The following KARS1 variants were observed in gnomAD, a reference collection of about 807,000 sequenced individuals.
KARS1 encodes the protein lysine--tRNA ligase.
In KARS1, 50 loss-of-function variants were observed where a neutral mutation model predicts 63.9. The ratio of observed to expected loss-of-function variants is 0.78; its 90% CI spans 0.62 to 0.99. The LOEUF (loss-of-function observed/expected upper bound fraction) is 0.99, where lower values mean the gene tolerates loss of function less well. Among genes scored for constraint, KARS1 ranks in the 50% least tolerant of loss-of-function variants. The pLI is 0.00. For missense variants in KARS1, 816 were observed against 754.5 expected (o/e 1.08, Z -0.95); for synonymous variants, 320 against 264.6 (o/e 1.21, Z -2.03).
rs769484182 is a variant in KARS1, at chr16:75,631,236, C to G, written c.1270G>C (p.Asp424His). 16 of 1,613,926 alleles carry G rather than the reference C, an allele frequency of 9.9e-6. No individual in the cohort carries two copies. The Admixed American group carries it at 2.3e-4, about 24-fold the overall frequency. ...FETEETRKIL[D>H]DICVAKAVEC... ...ACAGCTTTTGCCACACAGATATCAT[C>G]AAGAATTTTGCGAGTTTCTGGGACA... is the stretch of plus-strand genomic sequence containing the variant. The change falls in exon 10 of 14, where the codon GAT becomes CAT. Residue 424 changes from aspartate to histidine, a missense_variant. Physicochemically the swap from Asp to His is moderately conservative, Grantham distance 81 (BLOSUM62 -1). Transcript: ENST00000302445.
intron 1 of KARS1, among the ~76,000 whole-genome samples, chr16:75,645,760 T>C (rs1041243643): frequency 1.3e-5 from 2 of 150,800 alleles, no homozygotes; most frequent in African/African-American, 2.5e-5. Context: ...AGCACCAGAA[T>C]TGCTTGAACC....
chr16:75,631,811 G>T lies in KARS1; in HGVS notation c.960C>A (p.Arg320=), dbSNP rs766993376. The T allele has an allele frequency of 6.2e-7, 1 of 1,614,132 alleles. No homozygotes were observed. The highest frequency in any genetic ancestry group is 1.1e-5 in the South Asian group (1 of 91,082). Residue 320 remains arginine (R), a synonymous_variant, in exon 8 of 14, where the codon CGC becomes CGA. Transcript: ENST00000302445. ...AATCAATCCCCTCATTCCGGAACTG[G>T]CGTCCAATTTCATAAACCCGGTCGA... is the stretch of plus-strand genomic sequence containing the variant. ...GGIDRVYEIG[R]QFRNEGIDLT...
At chr16:75,635,414 C>CA in intron 6 of KARS1, 1 of 394,876 alleles carries the variant, frequency 2.5e-6, no homozygotes. Context: ...CTTAATGCTA[C>CA]AAAAAAGCAA....
At chr16:75,637,078 G>A (rs1309173158) in intron 3 of KARS1, among the ~76,000 whole-genome samples, 1 of 151,940 alleles carries the variant, frequency 6.6e-6, no homozygotes, top group Non-Finnish European at 1.5e-5. Flanking sequence ...TCAGGATCTA[G>A]CTTTCAAGAT....
intron 3 of KARS1, among the ~76,000 whole-genome samples, chr16:75,637,687 G>C (rs940908309): frequency 1.3e-4 from 19 of 151,564 alleles, no homozygotes; most frequent in African/African-American, 3.9e-4. Flanking sequence ...GCTGAGGCAG[G>C]AGAATCGCTT....
At chr16:75,640,497 A>T (rs2082212440) in intron 2 of KARS1, 148 bp from the exon 3 acceptor site, 1 of 745,792 alleles carries the variant, frequency 1.3e-6, no homozygotes, top group Non-Finnish European at 2.3e-6. Flanking sequence ...AGGATTGAAT[A>T]TGGAGTGAGA....
In KARS1 at chr16:75,630,502, C is replaced by T. The variant is rs776302260; in HGVS notation, c.1345G>A (p.Gly449Arg). 2.5e-6 allele frequency: 4 copies of T among 1,605,880 alleles called. No homozygotes were observed. The highest frequency in any genetic ancestry group is 2.6e-6 in the Non-Finnish European group (3 of 1,172,994). The change falls in exon 11 of 14, where the codon GGG (glycine) becomes AGG (arginine). Residue 449 changes from glycine to arginine, a missense_variant. By Grantham distance (125) the Gly-to-Arg change is moderately radical (BLOSUM62 -2). Coordinates refer to ENST00000302445, the MANE Select transcript of KARS1 (RefSeq NM_005548.3). ...TTARLLDKLVGEFLEVTCINP... is the reference protein window; with the variant it reads ...TTARLLDKLVREFLEVTCINP... ...ATGCAAGTCACTTCCAGGAACTCCCCAACAAGCTTAATGAGAAAGCAAAGC... is the reference window on the plus strand; with the variant it reads ...ATGCAAGTCACTTCCAGGAACTCCCTAACAAGCTTAATGAGAAAGCAAAGC...
intron 1 of KARS1, 118 bp from the exon 2 acceptor site, chr16:75,641,841 A>G: frequency 1.0e-6 from 1 of 990,210 alleles, no homozygotes; most frequent in Non-Finnish European, 1.6e-6. Flanking sequence ...GCTCAGTTCT[A>G]TACCCCTCAA....
At chr16:75,641,894 C>T (rs1223015909) in intron 1 of KARS1, among the ~76,000 whole-genome samples, 171 bp from the exon 2 acceptor site, 1 of 152,060 alleles carries the variant, frequency 6.6e-6, no homozygotes, top group Non-Finnish European at 1.5e-5. Flanking sequence ...TCACTAAACT[C>T]TTTATGTGAA....
chr16:75,647,552 C>G (rs770340804), intron 1 of KARS1, 26 bp downstream of exon 1: 3 of 1,608,950 alleles, frequency 1.9e-6, no homozygotes, highest in African/African-American at 2.7e-5. Flanking sequence ...ACCGCAAAGG[C>G]TTTAAAGACT....
intron 1 of KARS1, chr16:75,644,364 C>A: frequency 6.2e-7 from 1 of 1,612,194 alleles, no homozygotes; most frequent in Non-Finnish European, 8.5e-7. Context: ...CCTGTGACCC[C>A]ACTCTGCCCA....
chr16:75,629,153 A>C, intron 12 of KARS1: 1 of 518,708 alleles, frequency 1.9e-6, no homozygotes, highest in East Asian at 3.7e-5. Flanking sequence ...ATCTAAGAAA[A>C]TAATGTTCTT....
Position 75,635,745 on chromosome 16 carries a change from A to C in KARS1, c.730T>G (p.Phe244Val). 1 of 1,614,158 alleles carries C rather than the reference A, an allele frequency of 6.2e-7. No homozygotes were observed. Among genetic ancestry groups the C allele is most frequent in the Non-Finnish European group, 8.5e-7 (1 of 1,180,000 alleles). ...LILNDFVRQK[F>V]IIRSKIITYI... Reference sequence around the variant, plus strand: ...GTGATGATCTTAGAGCGGATGATAAATTTCTGCCTCACAAAGTCATTCAGG... The same window carrying C: ...GTGATGATCTTAGAGCGGATGATAACTTTCTGCCTCACAAAGTCATTCAGG... The change falls in exon 6 of 14, where the codon TTT (phenylalanine) becomes GTT (valine). Residue 244 changes from phenylalanine (F) to valine (V), a missense_variant. Transcript: ENST00000302445.
At position 75,635,941 on chromosome 16, in the gene KARS1, G is replaced by C; in HGVS notation, c.640C>G (p.Pro214Ala). The change falls in exon 5 of 14, where the codon CCT (proline) becomes GCT (alanine). Residue 214 changes from proline to alanine, a missense_variant. Transcript: ENST00000302445. ...TCTTTGAGGCCAAAGTGAAGATGAG[G>C]TAACATATGCAAACAGGGAGACAGC... ...TLLSPCLHML[P>A]HLHFGLKDKE... 6.2e-7 allele frequency: 1 copy of C among 1,614,126 alleles called. No homozygotes were observed.
intron 1 of KARS1, among the ~76,000 whole-genome samples, chr16:75,645,482 T>A (rs1055080460): frequency 1.3e-5 from 2 of 152,240 alleles, no homozygotes; most frequent in Non-Finnish European, 2.9e-5. Context: ...GACAGAAAGC[T>A]TGTAGAGATC....
rs1263830200 is a variant in KARS1 at position 75,647,647 on chromosome 16, G to C, written c.-8C>G. On this transcript the variant is annotated 5_prime_UTR_variant, in exon 1 of 14. Coordinates refer to ENST00000302445, the MANE Select transcript of KARS1 (RefSeq NM_005548.3). ...CGCCTGCACGGCCGCCATCTTCCCG[G>C]AGGGCCCGACCCAAAAGTAAGGAGG... 3.1e-6 allele frequency: 5 copies of C among 1,613,734 alleles called. No homozygotes were observed. The highest frequency in any genetic ancestry group is 3.4e-6 in the Non-Finnish European group (4 of 1,179,876).
At position 75,644,257 on chromosome 16, in the gene KARS1, C is replaced by A. The variant is rs746771855; in HGVS notation, c.63-2534G>T. On this transcript the variant is annotated intron_variant, in intron 1 of 13. Transcript: ENST00000302445. Reference sequence around the variant, plus strand: ...AAGGAAATAATTTTTGCTTCCAGAGCAATAAAGAAGGTAATGGGCACCAAC... The same window carrying A: ...AAGGAAATAATTTTTGCTTCCAGAGAAATAAAGAAGGTAATGGGCACCAAC... 25 of 1,573,834 alleles carry A rather than the reference C, an allele frequency of 1.6e-5. No homozygotes were observed. In the East Asian group the frequency reaches 5.8e-4, roughly 36 times the overall value.
intron 1 of KARS1, among the ~76,000 whole-genome samples, chr16:75,646,305 G>A (rs921972791): frequency 3.0e-4 from 46 of 152,212 alleles, no homozygotes; most frequent in Admixed American, 7.9e-4. Context: ...CACTTTGGGA[G>A]GCCAAGGTGG....
intron 1 of KARS1, among the ~76,000 whole-genome samples, chr16:75,643,728 G>A (rs943660620): frequency 2.6e-5 from 4 of 152,216 alleles, no homozygotes; most frequent in Non-Finnish European, 5.9e-5. Context: ...TGGTTTCAAA[G>A]TTGACAGCTT....
Sources: allele counts gnomAD v4.1 joint callset (sites outside exome capture counted in the v4.1 genomes callset), GRCh38; gene constraint gnomAD v4.1.1; transcripts MANE v1.5; gene names NCBI Gene and HGNC (gene_info 2026-07-23, HGNC 2026-07-21).